Variants in CNTNAP2 observed in about 807,000 individuals in gnomAD.
CNTNAP2 encodes the protein contactin associated protein 2.
Under a neutral mutation model 155.2 loss-of-function variants are expected in CNTNAP2, and 98 were observed. That is an observed-to-expected ratio of 0.63 (90% CI 0.54 to 0.75). The LOEUF is 0.75. CNTNAP2 is among the 30% of genes least tolerant of loss of function. The pLI, the probability that CNTNAP2 is intolerant of heterozygous loss-of-function variation, is 0.00. For synonymous variants in CNTNAP2, 651 were observed against 631.2 expected, an observed-to-expected ratio of 1.03 and a Z score of -0.47; for missense variants, 1,727 against 1,688.1, an observed-to-expected ratio of 1.02 and a Z score of -0.40.
intron 1 of CNTNAP2, among the ~76,000 whole-genome samples, chr7:146,393,649 G>A (rs1795578080): frequency 6.6e-6 from 1 of 152,088 alleles, no homozygotes; most frequent in Middle Eastern, 3.2e-3. Context: ...GCCTCCTGTT[G>A]GGTCCTCATT....
chr7:147,015,143 A>G (rs554366437), intron 3 of CNTNAP2, among the ~76,000 whole-genome samples: 2 of 151,988 alleles, frequency 1.3e-5, no homozygotes, highest in East Asian at 1.9e-4. Context: ...AGTTTAGGAA[A>G]CAAAAGATAA....
chr7:147,154,414 C>T (rs960078455), intron 8 of CNTNAP2, among the ~76,000 whole-genome samples: 2 of 152,102 alleles, frequency 1.3e-5, no homozygotes, highest in African/African-American at 2.4e-5. Context: ...TGCTTTTAAT[C>T]TTTTCTGAAT....
intron 1 of CNTNAP2, among the ~76,000 whole-genome samples, chr7:146,478,630 C>G (rs1796914285): frequency 6.6e-6 from 1 of 151,806 alleles, no homozygotes; most frequent in African/African-American, 2.4e-5. Context: ...GCTTCTCCTC[C>G]TTCAAGTAGA....
chr7:147,771,848 A>G (rs1197775954), intron 13 of CNTNAP2, among the ~76,000 whole-genome samples: 4 of 151,932 alleles, frequency 2.6e-5, no homozygotes, highest in Admixed American at 6.6e-5. Flanking sequence ...GTGTTTTCCT[A>G]TATTCTCTGA....
chr7:148,311,496 C>G (rs1261324275), intron 21 of CNTNAP2, among the ~76,000 whole-genome samples: 1 of 152,064 alleles, frequency 6.6e-6, no homozygotes, highest in Non-Finnish European at 1.5e-5. Flanking sequence ...AGAACTTCGT[C>G]AGGGTGAAAG....
At chr7:147,189,159 T>C (rs1802628661) in intron 8 of CNTNAP2, among the ~76,000 whole-genome samples, 1 of 152,154 alleles carries the variant, frequency 6.6e-6, no homozygotes, top group Non-Finnish European at 1.5e-5. Context: ...ATTTCTCTCC[T>C]AAGCAAAATA....
At chr7:147,102,282 G>GAAAAAAAAAAAAAAAAAAAAAAAAA (rs555981471) in intron 4 of CNTNAP2, among the ~76,000 whole-genome samples, 1 of 110,618 alleles carries the variant, frequency 9.0e-6, no homozygotes, top group Non-Finnish European at 1.8e-5. Context: ...TAGGCAAAAA[G>GAAAAAAAAAAAAAAAAAAAAAAAAA]AAAAAAAAAA....
rs1584898612 is a variant in CNTNAP2, at chr7:147,360,582, CA to C, written c.1499-35026del. ...TCTAAGGCATTCATGGTGCTTTTTTCACTCTTTATATATCCTCAGTGTACCA... is the reference window on the plus strand; with the variant it reads ...TCTAAGGCATTCATGGTGCTTTTTTCCTCTTTATATATCCTCAGTGTACCA... On this transcript the variant is annotated intron_variant, in intron 9 of 23. Transcript: ENST00000361727. 3.9e-5 allele frequency among the ~76,000 whole-genome samples: 6 copies of C among 151,986 alleles called. No individual in the cohort carries two copies. The East Asian group carries it at 1.2e-3, about 29-fold the overall frequency.
intron 21 of CNTNAP2, among the ~76,000 whole-genome samples, chr7:148,271,611 T>C (rs1013463323): frequency 6.6e-6 from 1 of 152,200 alleles, no homozygotes; most frequent in Admixed American, 6.5e-5. Context: ...AGGTTCTTGC[T>C]ACTCTGAAGC....
intron 10 of CNTNAP2, among the ~76,000 whole-genome samples, chr7:147,456,445 AG>A (rs1797919545): frequency 6.6e-6 from 1 of 152,024 alleles, no homozygotes; most frequent in Non-Finnish European, 1.5e-5. Context: ...AATTACAAAC[AG>A]TTTTGAAGAT....
chr7:148,066,015 A>G (rs1803251893), intron 15 of CNTNAP2, among the ~76,000 whole-genome samples: 1 of 152,188 alleles, frequency 6.6e-6, no homozygotes, highest in Admixed American at 6.5e-5. Context: ...GTTTGTCTGT[A>G]AAAGACCATC....
chr7:147,187,618 G>A lies in CNTNAP2; in HGVS notation c.1348+55109G>A, dbSNP rs1404689296. Among the ~76,000 whole-genome samples the A allele has an allele frequency of 7.2e-5, 11 of 152,220 alleles. No individual in the cohort carries two copies. The East Asian group carries it at 2.1e-3, about 29-fold the overall frequency. On this transcript the variant is annotated intron_variant, in intron 8 of 23. Transcript: ENST00000361727. ...GGGACTGCTACAGCAGAGAGAGACG[G>A]ATTGGGGCAAGGGCTGAAAAACTGC...
intron 3 of CNTNAP2, among the ~76,000 whole-genome samples, chr7:146,997,995 GT>G: frequency 6.6e-6 from 1 of 151,928 alleles, no homozygotes; most frequent in Non-Finnish European, 1.5e-5. Flanking sequence ...AACTAACTCA[GT>G]TTTGTTGATC....
chr7:146,747,114 T>C lies in CNTNAP2; in HGVS notation c.98-27157T>C, dbSNP rs868157722. On this transcript the variant is annotated intron_variant, in intron 1 of 23. Transcript: ENST00000361727. The stretch of plus-strand genomic sequence containing the variant: ...ACTTACATTTTTGAATGTGTTAAAC[T>C]TTTAAGAAAACCTATTAAATGACTA... 4.6e-5 allele frequency among the ~76,000 whole-genome samples: 7 copies of C among 152,314 alleles called. No homozygotes were observed. In the South Asian group the frequency reaches 1.4e-3, roughly 32 times the overall value.
chr7:146,373,305 G>A (rs1795261969), intron 1 of CNTNAP2, among the ~76,000 whole-genome samples: 1 of 152,022 alleles, frequency 6.6e-6, no homozygotes, highest in African/African-American at 2.4e-5. Context: ...CCTTAAGCCA[G>A]AAACAAGACT....
chr7:146,534,758 C>T (rs185126208), intron 1 of CNTNAP2, among the ~76,000 whole-genome samples: 2 of 151,882 alleles, frequency 1.3e-5, no homozygotes, highest in East Asian at 2.0e-4. Context: ...AAAGTTCCTA[C>T]GAAGTCAATA....
At chr7:147,013,559 C>T (rs1798664527) in intron 3 of CNTNAP2, among the ~76,000 whole-genome samples, 1 of 152,054 alleles carries the variant, frequency 6.6e-6, no homozygotes, top group Non-Finnish European at 1.5e-5. Flanking sequence ...ATTGCCTTTT[C>T]TTCCTGAAGA....
At chr7:146,473,456 C>G (rs1796829201) in intron 1 of CNTNAP2, among the ~76,000 whole-genome samples, 1 of 152,162 alleles carries the variant, frequency 6.6e-6, no homozygotes, top group East Asian at 1.9e-4. Flanking sequence ...AACTTCAAAA[C>G]AGCCCACTTC....
At chr7:146,601,618 GT>G (rs1331032104) in intron 1 of CNTNAP2, among the ~76,000 whole-genome samples, 16 of 152,010 alleles carry the variant, frequency 1.1e-4, no homozygotes, top group African/African-American at 3.4e-4. Context: ...TTATTTTAGA[GT>G]TTATATGATA....
Sources: allele counts gnomAD v4.1 joint callset (sites outside exome capture counted in the v4.1 genomes callset), GRCh38; gene constraint gnomAD v4.1.1; transcripts MANE v1.5; gene names NCBI Gene and HGNC (gene_info 2026-07-23, HGNC 2026-07-21).